Variants in CSMD1 observed in about 807,000 individuals in gnomAD.
CSMD1 encodes CUB and Sushi multiple domains 1, also known as CUB and sushi domain-containing protein 1.
In CSMD1, 213 loss-of-function variants were observed where a neutral mutation model predicts 417.5. That is an observed-to-expected ratio of 0.51 (90% confidence interval 0.46 to 0.57). CSMD1 has a LOEUF of 0.57. Among genes scored for constraint, CSMD1 ranks in the 20% least tolerant of loss-of-function variants. The pLI, the probability that CSMD1 is intolerant of heterozygous loss-of-function variation, is 0.00. For synonymous variants in CSMD1, 2,862 were observed against 1,736.8 expected, an observed-to-expected ratio of 1.65 and a Z score of -16.11; for missense variants, 6,923 against 4,529.7, an observed-to-expected ratio of 1.53 and a Z score of -15.17.
intron 26 of CSMD1, among the ~76,000 whole-genome samples, chr8:3,283,088 G>C (rs1316525058): frequency 6.6e-6 from 1 of 152,128 alleles, no homozygotes; most frequent in African/African-American, 2.4e-5. Context: ...ACTATCTTTA[G>C]GAGATTATAG....
chr8:3,867,409 T>A (rs928170861), intron 5 of CSMD1, among the ~76,000 whole-genome samples: 1 of 152,144 alleles, frequency 6.6e-6, no homozygotes, highest in Non-Finnish European at 1.5e-5. Flanking sequence ...CTTTTAAGGA[T>A]ACTTACTCAG....
At chr8:2,953,447 T>A (rs1802774671) in intron 65 of CSMD1, among the ~76,000 whole-genome samples, 1 of 126,126 alleles carries the variant, frequency 7.9e-6, no homozygotes. Context: ...AAATAGAGCT[T>A]ATGTCCAAAA....
chr8:3,171,597 G>A (rs1373405868), intron 37 of CSMD1, among the ~76,000 whole-genome samples: 1 of 152,120 alleles, frequency 6.6e-6, no homozygotes, highest in Admixed American at 6.5e-5. Context: ...AAGACCTACT[G>A]TAGAACAGAG....
At chr8:3,594,963 C>T (rs552250517) in intron 8 of CSMD1, among the ~76,000 whole-genome samples, 17 of 152,320 alleles carry the variant, frequency 1.1e-4, no homozygotes, top group East Asian at 1.9e-4. Context: ...GTGGAAGAAG[C>T]CTCTGAACTG....
intron 29 of CSMD1, among the ~76,000 whole-genome samples, chr8:3,218,733 A>C (rs1363433356): frequency 6.6e-6 from 1 of 150,494 alleles, no homozygotes; most frequent in Non-Finnish European, 1.5e-5. Flanking sequence ...TTAGCCGTGT[A>C]TGGTGGCATG....
At chr8:3,962,634 G>A (rs1049491024) in intron 5 of CSMD1, among the ~76,000 whole-genome samples, 6 of 152,152 alleles carry the variant, frequency 3.9e-5, no homozygotes, top group Admixed American at 2.0e-4. Context: ...GAAAAGGAGA[G>A]CATGGACATT....
intron 33 of CSMD1, among the ~76,000 whole-genome samples, chr8:3,191,070 G>A (rs942686962): frequency 6.6e-6 from 1 of 152,166 alleles, no homozygotes; most frequent in African/African-American, 2.4e-5. Context: ...TTATAGTTAA[G>A]AGGGTAGATT....
At chr8:3,745,220 T>C (rs1797009916) in intron 6 of CSMD1, among the ~76,000 whole-genome samples, 1 of 152,196 alleles carries the variant, frequency 6.6e-6, no homozygotes, top group South Asian at 2.1e-4. Context: ...TAGTAAATTG[T>C]AGACTATGCC....
At position 3,287,973 on chromosome 8, in the gene CSMD1, T is replaced by C. The variant is rs561281240; in HGVS notation, c.3951-3627A>G. 2.7e-5 allele frequency among the ~76,000 whole-genome samples: 4 copies of C among 147,068 alleles called. No homozygotes were observed. In the South Asian group the frequency reaches 8.4e-4, roughly 31 times the overall value. Reference sequence around the variant, plus strand: ...ATAGCTCTTATTATTTTGAGATACGTCCCATCAATACCTTATTTATTGAGA... The same window carrying C: ...ATAGCTCTTATTATTTTGAGATACGCCCCATCAATACCTTATTTATTGAGA... On this transcript the variant is annotated intron_variant, in intron 25 of 69. Coordinates refer to ENST00000635120, the MANE Select transcript of CSMD1 (RefSeq NM_033225.6).
chr8:3,651,543 G>A (rs908648975), intron 7 of CSMD1, among the ~76,000 whole-genome samples: 6 of 152,086 alleles, frequency 3.9e-5, no homozygotes, highest in Non-Finnish European at 7.4e-5. Context: ...CCAATGTCAT[G>A]GTATTAATGA....
At chr8:4,691,449 T>C (rs1584950744) in intron 1 of CSMD1, among the ~76,000 whole-genome samples, 1 of 152,352 alleles carries the variant, frequency 6.6e-6, no homozygotes, top group African/African-American at 2.4e-5. Flanking sequence ...ACATCCTTCT[T>C]GACAATTTTA....
At chr8:3,523,740 C>A (rs1286172883) in intron 10 of CSMD1, among the ~76,000 whole-genome samples, 1 of 151,546 alleles carries the variant, frequency 6.6e-6, no homozygotes, top group African/African-American at 2.4e-5. Flanking sequence ...CTCAGAGACA[C>A]ATGCATACAC....
At chr8:4,877,705 A>T (rs1370775244) in intron 1 of CSMD1, among the ~76,000 whole-genome samples, 1 of 151,968 alleles carries the variant, frequency 6.6e-6, no homozygotes, top group Non-Finnish European at 1.5e-5. Flanking sequence ...AATTATTTCC[A>T]TATTATCTTT....
chr8:4,789,596 T>A (rs1797586833), intron 1 of CSMD1, among the ~76,000 whole-genome samples: 3 of 152,190 alleles, frequency 2.0e-5, no homozygotes, highest in Admixed American at 2.0e-4. Context: ...GGGAATAAAC[T>A]GTTTTTCTCA....
chr8:4,059,980 G>A (rs1212328258), intron 3 of CSMD1, among the ~76,000 whole-genome samples: 17 of 152,068 alleles, frequency 1.1e-4, no homozygotes, highest in Non-Finnish European at 2.2e-4. Flanking sequence ...GCCGGGCAGA[G>A]ACACAGCCAA....
chr8:3,777,716 G>A (rs76092726), intron 5 of CSMD1, among the ~76,000 whole-genome samples: 1 of 144,960 alleles, frequency 6.9e-6, no homozygotes, highest in African/African-American at 2.5e-5. Flanking sequence ...TTCAGATGCA[G>A]AGTCTCAGGC....
intron 3 of CSMD1, among the ~76,000 whole-genome samples, chr8:4,383,546 A>G (rs1337476745): frequency 1.3e-5 from 2 of 152,196 alleles, no homozygotes; most frequent in African/African-American, 4.8e-5. Context: ...TTGTGGTACC[A>G]GAAGCATTTA....
In CSMD1 at chr8:3,219,125, C is replaced by A. The variant is rs1798055250; in HGVS notation, c.4672+130G>T. On this transcript the variant is annotated intron_variant, in intron 29 of 69. Coordinates refer to ENST00000635120, the MANE Select transcript of CSMD1 (RefSeq NM_033225.6). ...TGGAGAGGGAGGAGACATGTATCTT[C>A]CCAGACAGAGGAGACACATATCAGC... The A allele has an allele frequency of 4.3e-6, 3 of 690,482 alleles. No individual in the cohort carries two copies. The South Asian group carries it at 5.8e-5, about 13-fold the overall frequency. 42.8% of individuals were successfully genotyped at this position (690,482 alleles called of 1,614,324 possible).
Position 3,118,380 on chromosome 8 carries a change from T to G in CSMD1, c.6430+19A>C, listed in dbSNP as rs759684659. 6.3e-7 allele frequency: 1 copy of G among 1,583,950 alleles called. No individual in the cohort carries two copies. The highest frequency in any genetic ancestry group is 1.4e-5 in the African/African-American group (1 of 73,830). On this transcript the variant is annotated intron_variant, in intron 42 of 69. Coordinates refer to ENST00000635120, the MANE Select transcript of CSMD1 (RefSeq NM_033225.6). Reference sequence around the variant, plus strand: ...CCCATGAAACATTAAATCGCCCCCATGCAAAGTGATGAACTTACCATCACA... The same window carrying G: ...CCCATGAAACATTAAATCGCCCCCAGGCAAAGTGATGAACTTACCATCACA...
Sources: gnomAD v4.1 joint callset for allele counts (sites outside exome capture counted in the v4.1 genomes callset) on GRCh38, gnomAD v4.1.1 for gene constraint, MANE v1.5 for transcripts, NCBI Gene and HGNC (gene_info 2026-07-23, HGNC 2026-07-21) for gene names.